CTPS1: variants seen among roughly 807,000 people sequenced by gnomAD.
CTPS1 encodes the protein CTP synthase 1, also known as CTP synthetase 1.
In CTPS1, 25 loss-of-function variants were observed where a neutral mutation model predicts 80.5. That is an observed-to-expected ratio of 0.31 (90% CI 0.23 to 0.43). The LOEUF is 0.43. CTPS1 is among the 20% of genes least tolerant of loss of function. The probability of loss-of-function intolerance (pLI) is 1.00; values close to 1 mark genes in which losing one functional copy is unlikely to be tolerated. For missense variants in CTPS1, 442 were observed against 725.7 expected (o/e 0.61, Z 4.49); for synonymous variants, 267 against 252.5 (o/e 1.06, Z -0.54).
intron 9 of CTPS1, among the ~76,000 whole-genome samples, chr1:40,999,899 A>G (rs1642859003): frequency 6.6e-6 from 1 of 152,128 alleles, no homozygotes; most frequent in South Asian, 2.1e-4. Context: ...CATAATCCCA[A>G]CACTTAGGGA....
In CTPS1 at chr1:40,991,366, A is replaced by G. The variant is rs141075178; in HGVS notation, c.639+118A>G. ...TGCTTTTGATAATTGATGATGGAGA[A>G]AATAGGATTAGTTCTTTGAACCGGG... On this transcript the variant is annotated intron_variant, in intron 6 of 18. Coordinates refer to ENST00000650070, the MANE Select transcript of CTPS1 (RefSeq NM_001905.4). 322 of 745,644 alleles carry G rather than the reference A, an allele frequency of 4.3e-4. 2 individuals carry two copies. In the African/African-American group the frequency reaches 5.0e-3, roughly 12 times the overall value. The allele number at this position is 745,644 out of a possible 1,614,324, so 46.2% of individuals were successfully genotyped here.
intron 11 of CTPS1, among the ~76,000 whole-genome samples, chr1:41,002,795 A>G (rs564711711): frequency 1.3e-5 from 2 of 152,280 alleles, no homozygotes; most frequent in African/African-American, 4.8e-5. Context: ...GTAGTGAGCC[A>G]AGATCTCTCC....
intron 7 of CTPS1, among the ~76,000 whole-genome samples, chr1:40,992,534 G>A (rs368688563): frequency 1.3e-5 from 2 of 152,146 alleles, no homozygotes; most frequent in African/African-American, 2.4e-5. Context: ...TTTGGAACCT[G>A]TAATGTATCT....
intron 6 of CTPS1, 113 bp from the exon 7 acceptor site, chr1:40,991,652 T>C: frequency 1.4e-6 from 1 of 694,774 alleles, no homozygotes; most frequent in South Asian, 1.7e-5. Flanking sequence ...TGCTGAGAGT[T>C]AACGTTTTCG....
intron 18 of CTPS1, among the ~76,000 whole-genome samples, 165 bp downstream of exon 18, chr1:41,010,419 G>A (rs1463106940): frequency 1.3e-5 from 2 of 152,190 alleles, no homozygotes; most frequent in Non-Finnish European, 2.9e-5. Context: ...AAAGTAGTGA[G>A]GTCATTGTGG....
chr1:40,996,007 G>C lies in CTPS1; in HGVS notation c.811G>C (p.Asp271His). The change falls in exon 8 of 19, where the codon GAC (aspartate) becomes CAC (histidine). Residue 271 changes from aspartate (D) to histidine (H), a missense_variant. Asp to His is a moderately conservative substitution (Grantham distance 81). Transcript: ENST00000650070. The stretch of plus-strand genomic sequence containing the variant: ...TGTAGATTATTTTCTTCGAAGACTT[G>C]ACCTTCCTATTGAGAGGCAGCCAAG... ...GVVDYFLRRL[D>H]LPIERQPRKM... is the part of the protein sequence containing the mutation. 1 of 1,614,148 alleles carries C rather than the reference G, an allele frequency of 6.2e-7. No individual in the cohort carries two copies. Among genetic ancestry groups the C allele is most frequent in the Non-Finnish European group, 8.5e-7 (1 of 1,180,014 alleles).
intron 18 of CTPS1, among the ~76,000 whole-genome samples, chr1:41,011,200 A>G (rs1270634114): frequency 2.0e-5 from 3 of 152,220 alleles, no homozygotes; most frequent in Non-Finnish European, 4.4e-5. Context: ...AGGCATGAGA[A>G]GTTAGTATCA....
intron 4 of CTPS1, among the ~76,000 whole-genome samples, chr1:40,987,929 T>C (rs191836747): frequency 2.0e-5 from 3 of 152,304 alleles, no homozygotes; most frequent in Admixed American, 1.3e-4. Context: ...TACTTTTTTT[T>C]TGAGACAGGG....
rs773103801 is a variant in CTPS1, at chr1:40,984,963, A to G, written c.309A>G (p.Lys103=). The part of the protein sequence containing the change: ...IYQYVINKER[K]GDYLGKTVQV... The stretch of plus-strand genomic sequence containing the variant: ...AGTATGTCATTAACAAGGAACGGAA[A>G]GGAGATTACTTGGGGAAAACTGTCC... Residue 103 remains lysine, a synonymous_variant, in exon 3 of 19, where the codon AAA becomes AAG. Coordinates refer to ENST00000650070, the MANE Select transcript of CTPS1 (RefSeq NM_001905.4). 8.0e-5 allele frequency: 127 copies of G among 1,586,634 alleles called. 2 individuals carry two copies. In the South Asian group the frequency reaches 1.4e-3, roughly 17 times the overall value.
At chr1:41,001,139 G>A (rs1642894208) in intron 10 of CTPS1, 22 bp downstream of exon 10, 2 of 1,568,006 alleles carry the variant, frequency 1.3e-6, no homozygotes, top group Non-Finnish European at 1.7e-6. Flanking sequence ...TCGCTGCCTT[G>A]GGTTTCCAGA....
In CTPS1 at chr1:40,983,392, AACTTCAATC is replaced by A; in HGVS notation, c.104_112del (p.Thr35_Ile37del). The A allele has an allele frequency of 6.2e-7, 1 of 1,614,082 alleles. No homozygotes were observed. The highest frequency in any genetic ancestry group is 1.1e-5 in the South Asian group (1 of 91,072). On this transcript the variant is annotated inframe_deletion, in exon 2 of 19. Coordinates refer to ENST00000650070, the MANE Select transcript of CTPS1 (RefSeq NM_001905.4). Reference sequence around the variant, plus strand: ...TACTCAAGTCATGTGGTTTACATGTAACTTCAATCAAAATTGACCCCTACATTAACATTG... The same window carrying A: ...TACTCAAGTCATGTGGTTTACATGTAAAAATTGACCCCTACATTAACATTG...
In CTPS1 at chr1:40,987,329, A is replaced by G. The variant is rs1282533699; in HGVS notation, c.338-43A>G. 6 of 1,400,432 alleles carry G rather than the reference A, an allele frequency of 4.3e-6. No homozygotes were observed. The East Asian group carries it at 1.1e-4, about 27-fold the overall frequency. The allele number at this position is 1,400,432 out of a possible 1,614,324, so 86.8% of individuals were successfully genotyped here. A position where few individuals can be genotyped will look rare whatever the true frequency, so the allele number is the denominator to read the frequency against. ...TAAGTGCATTTGTCTCAATCAATGTAGATGGACAAGCGTAAGTTCCCTGTT... is the reference window on the plus strand; with the variant it reads ...TAAGTGCATTTGTCTCAATCAATGTGGATGGACAAGCGTAAGTTCCCTGTT... On this transcript the variant is annotated intron_variant, in intron 3 of 18. Coordinates refer to ENST00000650070, the MANE Select transcript of CTPS1 (RefSeq NM_001905.4).
At position 41,011,921 on chromosome 1, in the gene CTPS1, A is replaced by G. The variant is rs1330113177; in HGVS notation, c.*273A>G. ...GAACCGATGGTGGGTGGGGCTGCAG[A>G]GTGCCCCATCGGTCACCTTGTTTCT... On this transcript the variant is annotated 3_prime_UTR_variant, in exon 19 of 19. Coordinates refer to ENST00000650070, the MANE Select transcript of CTPS1 (RefSeq NM_001905.4). 2 of 152,158 alleles carry G rather than the reference A, an allele frequency of 1.3e-5. No homozygotes were observed. Among genetic ancestry groups the G allele is most frequent in the South Asian group, 2.1e-4 (1 of 4,832 alleles). The allele number at this position is 152,158 out of a possible 1,614,324, so 9.4% of individuals were successfully genotyped here. A position where few individuals can be genotyped will look rare whatever the true frequency, so the allele number is the denominator to read the frequency against.
chr1:40,995,928 C>G lies in CTPS1; in HGVS notation c.732C>G (p.Val244=), dbSNP rs768253297. ...CHVEPEQVIC[V]HDVSSIYRVP... ...TTTTTTCTAAACAGGTGATCTGTGT[C>G]CACGATGTCTCATCCATCTACCGAG... Residue 244 remains valine, a synonymous_variant, in exon 8 of 19, where the codon GTC becomes GTG. Transcript: ENST00000650070. 1.3e-5 allele frequency: 21 copies of G among 1,614,024 alleles called. No homozygotes were observed. In the East Asian group the frequency reaches 4.7e-4, roughly 36 times the overall value.
At chr1:40,994,030 C>T (rs774402719) in intron 7 of CTPS1, among the ~76,000 whole-genome samples, 6 of 152,142 alleles carry the variant, frequency 3.9e-5, no homozygotes, top group Admixed American at 1.3e-4. Context: ...CTGCCTGCCT[C>T]GGCCTCCCAA....
At chr1:40,982,058 C>G (rs536202145) in intron 1 of CTPS1, 6 of 1,215,010 alleles carry the variant, frequency 4.9e-6, no homozygotes, top group South Asian at 1.3e-5. Context: ...GTTTGCTGAC[C>G]AAATGGACGA....
chr1:40,997,654 G>C, intron 9 of CTPS1, 128 bp downstream of exon 9: 3 of 1,171,122 alleles, frequency 2.6e-6, no homozygotes, highest in Non-Finnish European at 3.5e-6. Context: ...ACTTTTTAAG[G>C]ATTAAAAAGA....
intron 8 of CTPS1, among the ~76,000 whole-genome samples, chr1:40,996,498 T>C (rs979869988): frequency 1.3e-5 from 2 of 152,158 alleles, no homozygotes; most frequent in Non-Finnish European, 2.9e-5. Flanking sequence ...GGGATCACAT[T>C]AGGACGGGGA....
chr1:40,988,760 G>C (rs1360073483), intron 5 of CTPS1, 50 bp downstream of exon 5: 1 of 1,230,082 alleles, frequency 8.1e-7, no homozygotes, highest in Non-Finnish European at 1.2e-6. Context: ...AGAGGAGGGA[G>C]GAAAGGTAAA....
Sources: allele counts gnomAD v4.1 joint callset (sites outside exome capture counted in the v4.1 genomes callset), GRCh38; gene constraint gnomAD v4.1.1; transcripts MANE v1.5; gene names NCBI Gene and HGNC (gene_info 2026-07-23, HGNC 2026-07-21).